Variants in KCND2 observed in about 807,000 individuals in gnomAD.
KCND2 encodes the protein potassium voltage-gated channel subfamily D member 2.
KCND2 carries 16 observed loss-of-function variants against 54.4 expected under a neutral mutation model. That is an observed-to-expected ratio of 0.29 (90% CI 0.20 to 0.45). The LOEUF (loss-of-function observed/expected upper bound fraction) is 0.45. Among genes scored for constraint, KCND2 ranks in the 20% least tolerant of loss-of-function variants. The probability of loss-of-function intolerance (pLI) is 1.00; values close to 1 mark genes in which losing one functional copy is unlikely to be tolerated. For missense variants in KCND2, 486 were observed against 824.2 expected, an observed-to-expected ratio of 0.59 and a Z score of 5.02; for synonymous variants, 317 against 310.7, an observed-to-expected ratio of 1.02 and a Z score of -0.21.
At position 120,394,651 on chromosome 7, in the gene KCND2, C is replaced by A. The variant is rs572425686; in HGVS notation, c.1115+118904C>A. Among the ~76,000 whole-genome samples the A allele has an allele frequency of 5.3e-5, 8 of 152,072 alleles. No individual in the cohort carries two copies. In the South Asian group the frequency reaches 1.7e-3, roughly 32 times the overall value. ...TAGGGAGGGACTATTATCATTGTGT[C>A]TTCAGAGCTAAACAATAAACTAAAT... On this transcript the variant is annotated intron_variant, in intron 1 of 5. Transcript: ENST00000331113.
chr7:120,591,575 T>G (rs1421527661), intron 1 of KCND2, among the ~76,000 whole-genome samples: 1 of 152,176 alleles, frequency 6.6e-6, no homozygotes, highest in African/African-American at 2.4e-5. Flanking sequence ...TTGAAGTACA[T>G]GTACTCAACT....
At position 120,281,932 on chromosome 7, in the gene KCND2, A is replaced by T. The variant is rs1169707318; in HGVS notation, c.1115+6185A>T. 2.6e-5 allele frequency among the ~76,000 whole-genome samples: 4 copies of T among 152,170 alleles called. No individual in the cohort carries two copies. In the East Asian group the frequency reaches 7.7e-4, roughly 29 times the overall value. ...TGAACATTTTGTCCTCTCATCTACT[A>T]AATGTACCCTTTTAATTTTTCTCTT... is the stretch of plus-strand genomic sequence containing the variant. On this transcript the variant is annotated intron_variant, in intron 1 of 5. Coordinates refer to ENST00000331113, the MANE Select transcript of KCND2 (RefSeq NM_012281.3).
intron 1 of KCND2, among the ~76,000 whole-genome samples, chr7:120,315,864 T>C (rs903366184): frequency 6.6e-6 from 1 of 151,742 alleles, no homozygotes; most frequent in Non-Finnish European, 1.5e-5. Flanking sequence ...AAAAATTTGA[T>C]CCATTGAAAA....
chr7:120,524,619 T>A (rs1791751098), intron 1 of KCND2, among the ~76,000 whole-genome samples: 1 of 152,224 alleles, frequency 6.6e-6, no homozygotes, highest in Non-Finnish European at 1.5e-5. Context: ...TGAAAATTAC[T>A]AAGTATCTGA....
chr7:120,390,404 T>C (rs566640219), intron 1 of KCND2, among the ~76,000 whole-genome samples: 5 of 152,118 alleles, frequency 3.3e-5, no homozygotes, highest in East Asian at 3.9e-4. Context: ...CCAGTACTTA[T>C]GGTCAGCACT....
At chr7:120,719,724 C>T (rs1792644651) in intron 1 of KCND2, among the ~76,000 whole-genome samples, 1 of 152,004 alleles carries the variant, frequency 6.6e-6, no homozygotes, top group African/African-American at 2.4e-5. Flanking sequence ...GCTCCTGCAA[C>T]AAAAAAGACT....
chr7:120,470,847 A>G (rs1160374897), intron 1 of KCND2, among the ~76,000 whole-genome samples: 1 of 151,994 alleles, frequency 6.6e-6, no homozygotes, highest in Non-Finnish European at 1.5e-5. Context: ...ATATAAGTAA[A>G]TCCCATCCCA....
chr7:120,624,230 T>G (rs952500141), intron 1 of KCND2, among the ~76,000 whole-genome samples: 3 of 152,166 alleles, frequency 2.0e-5, no homozygotes, highest in Non-Finnish European at 4.4e-5. Flanking sequence ...TTAAATCGCA[T>G]TCTAACTAAG....
intron 1 of KCND2, among the ~76,000 whole-genome samples, chr7:120,681,499 A>G (rs2116589767): frequency 6.6e-6 from 1 of 152,156 alleles, no homozygotes; most frequent in Non-Finnish European, 1.5e-5. Flanking sequence ...TGATAGAAAT[A>G]CTTAAAATGT....
At chr7:120,677,118 G>T (rs1326672831) in intron 1 of KCND2, among the ~76,000 whole-genome samples, 1 of 152,156 alleles carries the variant, frequency 6.6e-6, no homozygotes, top group Non-Finnish European at 1.5e-5. Context: ...AGCCTGTCAG[G>T]ACTTAAGAGC....
At chr7:120,594,809 C>T (rs1792714444) in intron 1 of KCND2, among the ~76,000 whole-genome samples, 1 of 152,132 alleles carries the variant, frequency 6.6e-6, no homozygotes, top group African/African-American at 2.4e-5. Context: ...ATCATGAAGT[C>T]AGGAGTTCGA....
At chr7:120,416,725 A>G (rs1043008394) in intron 1 of KCND2, among the ~76,000 whole-genome samples, 1 of 151,978 alleles carries the variant, frequency 6.6e-6, no homozygotes, top group East Asian at 1.9e-4. Flanking sequence ...AGTACTTATC[A>G]TATGCAAGAT....
At chr7:120,370,184 G>A (rs1045987641) in intron 1 of KCND2, among the ~76,000 whole-genome samples, 23 of 151,984 alleles carry the variant, frequency 1.5e-4, no homozygotes, top group African/African-American at 5.3e-4. Context: ...TAAAGTAAAA[G>A]CATTTCCTGG....
chr7:120,425,086 T>A (rs1470588752), intron 1 of KCND2, among the ~76,000 whole-genome samples: 3 of 152,230 alleles, frequency 2.0e-5, no homozygotes, highest in Non-Finnish European at 4.4e-5. Flanking sequence ...ACATGCATAA[T>A]TCGTTTACTT....
At chr7:120,448,770 A>G (rs1465933996) in intron 1 of KCND2, among the ~76,000 whole-genome samples, 1 of 152,218 alleles carries the variant, frequency 6.6e-6, no homozygotes, top group Non-Finnish European at 1.5e-5. Flanking sequence ...CTGGTTCAAC[A>G]TACTCAAATC....
At chr7:120,529,154 G>A (rs534353151) in intron 1 of KCND2, among the ~76,000 whole-genome samples, 50 of 152,268 alleles carry the variant, frequency 3.3e-4, no homozygotes, top group Non-Finnish European at 4.4e-4. Flanking sequence ...AAAGTAAGCC[G>A]AGGGCATGCT....
At chr7:120,406,484 G>A (rs928807923) in intron 1 of KCND2, among the ~76,000 whole-genome samples, 5 of 152,000 alleles carry the variant, frequency 3.3e-5, no homozygotes, top group African/African-American at 9.7e-5. Flanking sequence ...GAGAATTCAG[G>A]TCATAGAATT....
At chr7:120,682,987 C>G (rs1792158885) in intron 1 of KCND2, among the ~76,000 whole-genome samples, 1 of 152,138 alleles carries the variant, frequency 6.6e-6, no homozygotes, top group Non-Finnish European at 1.5e-5. Context: ...TCCCAAGTGT[C>G]AGGGACTTCT....
chr7:120,425,915 CTA>C (rs1277794363), intron 1 of KCND2, among the ~76,000 whole-genome samples: 2 of 151,292 alleles, frequency 1.3e-5, no homozygotes, highest in Admixed American at 1.3e-4. Flanking sequence ...CCTCTTTCTC[CTA>C]TGTTATTTTC....
Sources: allele counts gnomAD v4.1 joint callset (sites outside exome capture counted in the v4.1 genomes callset), GRCh38; gene constraint gnomAD v4.1.1; transcripts MANE v1.5; gene names NCBI Gene and HGNC (gene_info 2026-07-23, HGNC 2026-07-21).